Variants in RYR3 observed in about 807,000 individuals in gnomAD.
The protein encoded by RYR3 is brain ryanodine receptor-calcium release channel.
A neutral mutation model predicts 584.3 loss-of-function variants in RYR3; 207 were observed. That is an observed-to-expected ratio of 0.35 (90% CI 0.32 to 0.40). The LOEUF is 0.40. RYR3 is among the 10% of genes least tolerant of loss of function. The pLI is 1.00. For synonymous variants in RYR3, 2,416 were observed against 2,248.5 expected (o/e 1.07, Z -2.11); for missense variants, 5,616 against 6,089.2 (o/e 0.92, Z 2.59).
At chr15:33,459,592 G>A (rs2142055149) in intron 1 of RYR3, among the ~76,000 whole-genome samples, 1 of 152,098 alleles carries the variant, frequency 6.6e-6, no homozygotes, top group Middle Eastern at 3.4e-3. Flanking sequence ...GTCTATGAGG[G>A]CCAAGATGCT....
intron 65 of RYR3, among the ~76,000 whole-genome samples, chr15:33,784,199 A>G (rs1195773789): frequency 6.6e-6 from 1 of 152,208 alleles, no homozygotes; most frequent in African/African-American, 2.4e-5. Context: ...GATAGCTGGG[A>G]TTATTCTGTA....
intron 2 of RYR3, among the ~76,000 whole-genome samples, chr15:33,498,536 G>C (rs1325685196): frequency 6.6e-6 from 1 of 151,958 alleles, no homozygotes; most frequent in Non-Finnish European, 1.5e-5. Context: ...TTGGCGGGGT[G>C]GGGAGGGGGC....
intron 22 of RYR3, among the ~76,000 whole-genome samples, chr15:33,630,461 T>G (rs1311191010): frequency 6.6e-6 from 1 of 152,268 alleles, no homozygotes; most frequent in Admixed American, 6.5e-5. Flanking sequence ...TTAACTTCTC[T>G]AGCCTAAATT....
intron 89 of RYR3, 126 bp downstream of exon 89, chr15:33,839,084 G>T: frequency 2.5e-6 from 3 of 1,176,714 alleles, no homozygotes; most frequent in Non-Finnish European, 3.5e-6. Context: ...TGGCTGTGGT[G>T]TGATTACGCT....
chr15:33,548,223 A>T lies in RYR3; in HGVS notation c.815+19A>T, dbSNP rs1330239862. On this transcript the variant is annotated intron_variant, in intron 9 of 103. Coordinates refer to ENST00000634891, the MANE Select transcript of RYR3 (RefSeq NM_001036.6). ...GGATAAGGTAATGGAAGGCCTGGGA[A>T]TGCCCTTTTCAAGATTACTTTCTTT... The T allele has an allele frequency of 1.3e-6, 2 of 1,514,036 alleles. No homozygotes were observed. Among genetic ancestry groups the T allele is most frequent in the Admixed American group, 1.8e-5 (1 of 56,460 alleles). 93.8% of individuals were successfully genotyped at this position (1,514,036 alleles called of 1,614,324 possible).
chr15:33,567,480 T>G (rs1016504411), intron 12 of RYR3, among the ~76,000 whole-genome samples: 1 of 152,202 alleles, frequency 6.6e-6, no homozygotes, highest in Non-Finnish European at 1.5e-5. Context: ...AATGGTAACT[T>G]TTTTTCAGAT....
chr15:33,436,501 CTT>C (rs34317660), intron 1 of RYR3, among the ~76,000 whole-genome samples: 16 of 135,856 alleles, frequency 1.2e-4, no homozygotes, highest in Admixed American at 2.2e-4. Flanking sequence ...AAACCATATT[CTT>C]TTTTTTTTTT....
rs747806695 is a variant in RYR3, at chr15:33,652,817, C to T, written c.4242C>T (p.Leu1414=). 11 of 1,613,760 alleles carry T rather than the reference C, an allele frequency of 6.8e-6. No homozygotes were observed. The highest frequency in any genetic ancestry group is 6.7e-5 in the East Asian group (3 of 44,900). ...ACGTGGACCTGGAGATCGGCTGTCTCGTGGATCTGGCCATGGGCATGTTGT... is the reference window on the plus strand; with the variant it reads ...ACGTGGACCTGGAGATCGGCTGTCTTGTGGATCTGGCCATGGGCATGTTGT... ...RSNVDLEIGC[L]VDLAMGMLSF... Residue 1414 remains leucine, a synonymous_variant, in exon 32 of 104, where the codon CTC becomes CTT. Coordinates refer to ENST00000634891, the MANE Select transcript of RYR3 (RefSeq NM_001036.6).
At chr15:33,792,969 G>A (rs1037855291) in intron 67 of RYR3, among the ~76,000 whole-genome samples, 1 of 152,180 alleles carries the variant, frequency 6.6e-6, no homozygotes, top group Non-Finnish European at 1.5e-5. Context: ...TTGCAAGACT[G>A]TTCCTGCCTC....
At chr15:33,554,237 G>T (rs2056900962) in intron 10 of RYR3, among the ~76,000 whole-genome samples, 1 of 151,516 alleles carries the variant, frequency 6.6e-6, no homozygotes, top group South Asian at 2.1e-4. Flanking sequence ...GGTTACATCA[G>T]TGTGGTCATA....
chr15:33,753,611 C>G (rs1325551928), intron 57 of RYR3, among the ~76,000 whole-genome samples: 1 of 152,050 alleles, frequency 6.6e-6, no homozygotes, highest in Non-Finnish European at 1.5e-5. Context: ...GCTGTTTCTT[C>G]TAGTTTCCTA....
rs773997020 is a variant in RYR3, at chr15:33,613,275, A to C, written c.2257A>C (p.Ile753Leu). Residue 753 changes from isoleucine (I) to leucine (L), a missense_variant, in exon 19 of 104, where the codon ATC (isoleucine) becomes CTC (leucine). Ile to Leu is a conservative substitution (Grantham distance 5). This residue lies in a region of RYR3 where 1,284 missense variants were observed against 1,344.6 expected (regional missense o/e 0.95). Coordinates refer to ENST00000634891, the MANE Select transcript of RYR3 (RefSeq NM_001036.6). Reference sequence around the variant, plus strand: ...CTGCCTGGACCTCGGGGTGCCCAGCATCTCATTCCGCATCAATGGGCAGCC... The same window carrying C: ...CTGCCTGGACCTCGGGGTGCCCAGCCTCTCATTCCGCATCAATGGGCAGCC... ...SCCLDLGVPS[I>L]SFRINGQPVQ... The C allele has an allele frequency of 1.2e-6, 2 of 1,613,952 alleles. No homozygotes were observed. The highest frequency in any genetic ancestry group is 1.1e-5 in the South Asian group (1 of 91,074).
chr15:33,810,830 T>G, intron 71 of RYR3, 148 bp from the exon 72 acceptor site: 2 of 1,059,320 alleles, frequency 1.9e-6, no homozygotes, highest in Non-Finnish European at 2.8e-6. Flanking sequence ...TGTGTGCCCT[T>G]TGGGACAAAT....
intron 52 of RYR3, among the ~76,000 whole-genome samples, chr15:33,742,687 C>A (rs2070274805): frequency 6.6e-6 from 1 of 152,080 alleles, no homozygotes; most frequent in Non-Finnish European, 1.5e-5. Flanking sequence ...GTGTTAACTT[C>A]TTTCTTAACA....
At chr15:33,711,000 T>C (rs1432501033) in intron 43 of RYR3, among the ~76,000 whole-genome samples, 1 of 152,216 alleles carries the variant, frequency 6.6e-6, no homozygotes, top group Non-Finnish European at 1.5e-5. Context: ...TCTTGGATGT[T>C]AGCACTTGGC....
At chr15:33,385,920 G>T (rs1317551850) in intron 1 of RYR3, among the ~76,000 whole-genome samples, 1 of 151,804 alleles carries the variant, frequency 6.6e-6, no homozygotes, top group South Asian at 2.1e-4. Flanking sequence ...ACCTAGGCTG[G>T]TCACAAACTC....
At position 33,727,135 on chromosome 15, in the gene RYR3, GC is replaced by G. The variant is rs146017862; in HGVS notation, c.7033+634del. 5.3e-5 allele frequency among the ~76,000 whole-genome samples: 8 copies of G among 152,310 alleles called. No homozygotes were observed. In the East Asian group the frequency reaches 1.5e-3, roughly 29 times the overall value. On this transcript the variant is annotated intron_variant, in intron 46 of 103. Transcript: ENST00000634891. ...GTGTAGGCAGTTGGGGCACAGACGG[GC>G]CCCCACACAGCCTGTCTTCAGCCAC...
intron 3 of RYR3, among the ~76,000 whole-genome samples, chr15:33,510,339 T>C (rs1047039478): frequency 2.0e-5 from 3 of 152,228 alleles, no homozygotes; most frequent in Non-Finnish European, 2.9e-5. Flanking sequence ...ATGGTTGCAG[T>C]GTACCAAGTT....
rs58951939 is a variant in RYR3, at chr15:33,725,154, TACACACACACACACACAC to T, written c.6912+1010_6912+1027del. Among the ~76,000 whole-genome samples, 19 of 113,896 alleles carry T rather than the reference TACACACACACACACACAC, an allele frequency of 1.7e-4. 1 individual carries two copies. The highest frequency in any genetic ancestry group is 4.1e-4 in the South Asian group (1 of 2,412). 74.7% of individuals were successfully genotyped at this position (113,896 alleles called of 152,430 possible). ...TTACTGCCTCTCTGCTCCAACACCT[TACACACACACACACACAC>T]ACACACACACACACACACACACACA... On this transcript the variant is annotated intron_variant, in intron 45 of 103. Coordinates refer to ENST00000634891, the MANE Select transcript of RYR3 (RefSeq NM_001036.6).
Sources: allele counts gnomAD v4.1 joint callset (sites outside exome capture counted in the v4.1 genomes callset), GRCh38; gene constraint gnomAD v4.1.1; regional missense constraint gnomAD v4.1.1; transcripts MANE v1.5; gene names NCBI Gene and HGNC (gene_info 2026-07-23, HGNC 2026-07-21).